CCSER1: variants seen among roughly 807,000 people sequenced by gnomAD.
The protein encoded by CCSER1 is coiled-coil serine rich protein 1.
In CCSER1, 41 loss-of-function variants were observed where a neutral mutation model predicts 82.0. That is an observed-to-expected ratio of 0.50 (90% CI 0.39 to 0.65). CCSER1 has a LOEUF of 0.65. Ranked by LOEUF, CCSER1 falls within the 30% of genes least tolerant of loss-of-function variation. The pLI is 0.00. For missense variants in CCSER1, 1,119 were observed against 1,064.2 expected, an observed-to-expected ratio of 1.05 and a Z score of -0.72; for synonymous variants, 414 against 383.9, an observed-to-expected ratio of 1.08 and a Z score of -0.92.
At chr4:90,893,915 TG>T (rs1163366451) in intron 8 of CCSER1, among the ~76,000 whole-genome samples, 1 of 152,070 alleles carries the variant, frequency 6.6e-6, no homozygotes, top group Non-Finnish European at 1.5e-5. Flanking sequence ...TTTCATTTTA[TG>T]TTATTTTATT....
At chr4:90,545,382 G>A (rs1201097813) in intron 5 of CCSER1, among the ~76,000 whole-genome samples, 3 of 151,994 alleles carry the variant, frequency 2.0e-5, no homozygotes, top group African/African-American at 7.2e-5. Context: ...TAAAAACAAG[G>A]CGATTTTCTT....
intron 6 of CCSER1, among the ~76,000 whole-genome samples, chr4:90,674,125 T>C (rs1315455148): frequency 6.6e-6 from 1 of 151,964 alleles, no homozygotes; most frequent in African/African-American, 2.4e-5. Context: ...GATTTATATA[T>C]GTTTTAAAGG....
At chr4:90,583,046 A>C (rs1012694202) in intron 5 of CCSER1, among the ~76,000 whole-genome samples, 2 of 152,126 alleles carry the variant, frequency 1.3e-5, no homozygotes, top group Non-Finnish European at 2.9e-5. Context: ...ACTGGGGTTA[A>C]TATTTCTTGT....
chr4:90,803,721 A>G (rs991873595), intron 7 of CCSER1, among the ~76,000 whole-genome samples: 7 of 152,110 alleles, frequency 4.6e-5, no homozygotes, highest in African/African-American at 7.2e-5. Flanking sequence ...CCTTGGGTAT[A>G]TATCTGGTAA....
At chr4:91,192,165 C>T (rs574345157) in intron 10 of CCSER1, among the ~76,000 whole-genome samples, 2 of 152,152 alleles carry the variant, frequency 1.3e-5, no homozygotes, top group Non-Finnish European at 2.9e-5. Context: ...CTTTTCCTAC[C>T]TCTGACTACT....
intron 1 of CCSER1, among the ~76,000 whole-genome samples, chr4:90,153,571 T>C (rs1343942176): frequency 6.6e-5 from 10 of 151,896 alleles, no homozygotes; most frequent in Non-Finnish European, 1.3e-4. Context: ...TTTTAATGAT[T>C]GCCATTCTAA....
intron 10 of CCSER1, among the ~76,000 whole-genome samples, chr4:91,441,895 C>T (rs1755182256): frequency 1.3e-5 from 2 of 152,050 alleles, no homozygotes; most frequent in African/African-American, 4.8e-5. Context: ...AATAAAATAC[C>T]TAGGAATCCA....
At chr4:91,361,357 G>GA (rs1471994311) in intron 10 of CCSER1, among the ~76,000 whole-genome samples, 5 of 151,722 alleles carry the variant, frequency 3.3e-5, no homozygotes, top group African/African-American at 1.2e-4. Context: ...CTGGAGGCAT[G>GA]AGAAAGCAGA....
chr4:91,566,982 G>A (rs941197821), intron 10 of CCSER1, among the ~76,000 whole-genome samples: 1 of 151,968 alleles, frequency 6.6e-6, no homozygotes, highest in African/African-American at 2.4e-5. Context: ...GTGAAGTTAG[G>A]TTGTTCACTG....
At position 91,580,482 on chromosome 4, in the gene CCSER1, G is replaced by C. The variant is rs1763677365; in HGVS notation, c.2218-18090G>C. 3.3e-5 allele frequency among the ~76,000 whole-genome samples: 5 copies of C among 151,694 alleles called. No homozygotes were observed. The Admixed American group carries it at 3.3e-4, about 10-fold the overall frequency. The stretch of plus-strand genomic sequence containing the variant: ...TAAGGAAAGCCAGATGTTGGAGTGT[G>C]ATGAGAGATGATATGGTTAGAAAAT... On this transcript the variant is annotated intron_variant, in intron 10 of 10. Transcript: ENST00000509176.
intron 5 of CCSER1, among the ~76,000 whole-genome samples, chr4:90,591,481 TGA>T (rs1276750056): frequency 6.6e-6 from 1 of 152,154 alleles, no homozygotes; most frequent in East Asian, 1.9e-4. Context: ...AAAACAACAA[TGA>T]GATACCATCT....
At position 91,217,037 on chromosome 4, in the gene CCSER1, G is replaced by A. The variant is rs1331651373; in HGVS notation, c.2217+131043G>A. Among the ~76,000 whole-genome samples the A allele has an allele frequency of 4.6e-5, 7 of 152,198 alleles. No homozygotes were observed. The East Asian group carries it at 9.7e-4, about 21-fold the overall frequency. ...GTTACAGCTCTTAAGGTGGCGCGTC[G>A]CGAGTCTGTCCCTTCTGATGTTCAG... On this transcript the variant is annotated intron_variant, in intron 10 of 10. Transcript: ENST00000509176.
intron 9 of CCSER1, among the ~76,000 whole-genome samples, chr4:90,998,538 C>G (rs901236210): frequency 1.3e-5 from 2 of 152,034 alleles, no homozygotes; most frequent in African/African-American, 2.4e-5. Flanking sequence ...TATGGGGATG[C>G]CTGCTTTATT....
chr4:90,682,960 C>G (rs1734163929), intron 6 of CCSER1: 2 of 151,954 alleles, frequency 1.3e-5, no homozygotes, highest in South Asian at 4.2e-4. Context: ...ACTGCATTGC[C>G]TACTGGCAAT....
chr4:90,810,235 T>A (rs1422584711), intron 7 of CCSER1, among the ~76,000 whole-genome samples: 1 of 152,184 alleles, frequency 6.6e-6, no homozygotes, highest in Non-Finnish European at 1.5e-5. Context: ...GTGCTGGGAT[T>A]ACAAGCGAGA....
At chr4:90,291,822 G>A (rs967363431) in intron 1 of CCSER1, among the ~76,000 whole-genome samples, 3 of 151,784 alleles carry the variant, frequency 2.0e-5, no homozygotes, top group Non-Finnish European at 4.4e-5. Flanking sequence ...GTTAATTATT[G>A]GTATAATATT....
chr4:91,561,350 C>A (rs1278978117), intron 10 of CCSER1, among the ~76,000 whole-genome samples: 1 of 151,396 alleles, frequency 6.6e-6, no homozygotes, highest in African/African-American at 2.4e-5. Context: ...ATTCTGAAGT[C>A]TTTTACAAAT....
In CCSER1 at chr4:90,652,065, A is replaced by G. The variant is rs140679627; in HGVS notation, c.1932+23833A>G. Among the ~76,000 whole-genome samples the G allele has an allele frequency of 3.4e-3, 522 of 152,268 alleles. 2 individuals carry two copies. The highest frequency in any genetic ancestry group is 0.012 in the African/African-American group (489 of 41,556). ...CTGCTAGCATTTATGAAACTGGGGC[A>G]TACTAATTGATTTATATTTATTGAG... On this transcript the variant is annotated intron_variant, in intron 6 of 10. Coordinates refer to ENST00000509176, the MANE Select transcript of CCSER1 (RefSeq NM_001145065.2).
At chr4:91,104,927 G>A (rs1428576414) in intron 10 of CCSER1, among the ~76,000 whole-genome samples, 1 of 152,130 alleles carries the variant, frequency 6.6e-6, no homozygotes, top group Admixed American at 6.6e-5. Context: ...AATTCATGTG[G>A]TACAGGTGTA....
Sources: allele counts gnomAD v4.1 joint callset (sites outside exome capture counted in the v4.1 genomes callset), GRCh38; gene constraint gnomAD v4.1.1; transcripts MANE v1.5; gene names NCBI Gene and HGNC (gene_info 2026-07-23, HGNC 2026-07-21).